The following FYTTD1 variants were observed in gnomAD, a reference collection of about 807,000 sequenced individuals.
The protein encoded by FYTTD1 is forty-two-three domain containing 1.
FYTTD1 carries 22 observed loss-of-function variants against 40.9 expected under a neutral mutation model. The ratio of observed to expected loss-of-function variants is 0.54; its 90% CI spans 0.38 to 0.77. The LOEUF (loss-of-function observed/expected upper bound fraction) is 0.77. FYTTD1 is among the 30% of genes least tolerant of loss of function. The pLI, the probability that FYTTD1 is intolerant of heterozygous loss-of-function variation, is 0.00. For missense variants in FYTTD1, 351 were observed against 392.2 expected (o/e 0.90, Z 0.89); for synonymous variants, 140 against 137.9 (o/e 1.01, Z -0.10).
At chr3:197,750,655 C>A (rs989098916) in intron 1 of FYTTD1, 1 of 985,284 alleles carries the variant, frequency 1.0e-6, no homozygotes, top group African/African-American at 1.7e-5. Flanking sequence ...GGCCCCGGAG[C>A]GTCTGTCAGA....
chr3:197,752,509 ATATG>A (rs879326704), intron 1 of FYTTD1, among the ~76,000 whole-genome samples: 3 of 151,864 alleles, frequency 2.0e-5, no homozygotes, highest in African/African-American at 4.8e-5. Context: ...TACATACACT[ATATG>A]TAGTATGTCT....
rs1730162973 is a variant in FYTTD1, at chr3:197,786,785, A to C, written c.*4876A>C. The C allele has an allele frequency of 6.6e-6, 1 of 152,100 alleles. No homozygotes were observed. Among genetic ancestry groups the C allele is most frequent in the South Asian group, 2.1e-4 (1 of 4,822 alleles). The allele number at this position is 152,100 out of a possible 1,614,324, so 9.4% of individuals were successfully genotyped here. On this transcript the variant is annotated 3_prime_UTR_variant, in exon 9 of 9. Coordinates refer to ENST00000241502, the MANE Select transcript of FYTTD1 (RefSeq NM_032288.7). ...GGATTCATACTGCTTGGAGTTTATA[A>C]AAGCGGAGTTTTTTTATTTTTTGAG...
chr3:197,753,404 C>T (rs1300708931), intron 1 of FYTTD1, among the ~76,000 whole-genome samples: 1 of 152,180 alleles, frequency 6.6e-6, no homozygotes, highest in African/African-American at 2.4e-5. Context: ...ACTGTTGGTA[C>T]TAACATTGCT....
rs1459793712 is a variant in FYTTD1, at chr3:197,749,936, T to G, written c.-36T>G. 3 of 1,452,672 alleles carry G rather than the reference T, an allele frequency of 2.1e-6. No homozygotes were observed. The highest frequency in any genetic ancestry group is 1.5e-5 in the African/African-American group (1 of 68,332). 90.0% of individuals were successfully genotyped at this position (1,452,672 alleles called of 1,614,324 possible). ...AGGTGGCAGGCCTGCGACTCCGGCC[T>G]TGTCCGCGCCCGCTCTCGGCGCGAC... On this transcript the variant is annotated 5_prime_UTR_variant, in exon 1 of 9. Transcript: ENST00000241502.
rs913931616 is a variant in FYTTD1, at chr3:197,786,827, C to T, written c.*4918C>T. On this transcript the variant is annotated 3_prime_UTR_variant, in exon 9 of 9. Transcript: ENST00000241502. ...TTTTTTGAGACGGAATACTCTGTCA[C>T]CCAGGCTGCAGTGCAGTGGCACAAT... 1 of 152,152 alleles carries T rather than the reference C, an allele frequency of 6.6e-6. No homozygotes were observed. The highest frequency in any genetic ancestry group is 1.5e-5 in the Non-Finnish European group (1 of 68,044). The allele number at this position is 152,152 out of a possible 1,614,324, so 9.4% of individuals were successfully genotyped here. A position where few individuals can be genotyped will look rare whatever the true frequency, so the allele number is the denominator to read the frequency against.
intron 2 of FYTTD1, among the ~76,000 whole-genome samples, chr3:197,766,817 A>AC (rs1255494059): frequency 2.0e-5 from 3 of 152,176 alleles, no homozygotes; most frequent in Non-Finnish European, 4.4e-5. Flanking sequence ...GACTCAGTTC[A>AC]CCTTCTACTA....
At position 197,750,006 on chromosome 3, in the gene FYTTD1, C is replaced by T. The variant is rs2109030716; in HGVS notation, c.35C>T (p.Thr12Met). ...NRFGTRLVGA[T>M]ATSSPPPKAR... ...TTTGGTACCCGGTTGGTGGGAGCCACGGCGACTTCTTCGCCGCCGCCGAAG... is the reference window on the plus strand; with the variant it reads ...TTTGGTACCCGGTTGGTGGGAGCCATGGCGACTTCTTCGCCGCCGCCGAAG... Residue 12 changes from threonine to methionine, a missense_variant, in exon 1 of 9, where the codon ACG becomes ATG. Physicochemically the swap from Thr to Met is moderately conservative, Grantham distance 81. Coordinates refer to ENST00000241502, the MANE Select transcript of FYTTD1 (RefSeq NM_032288.7). The T allele has an allele frequency of 1.3e-6, 2 of 1,584,670 alleles. No homozygotes were observed. The highest frequency in any genetic ancestry group is 4.9e-5 in the East Asian group (2 of 40,950).
chr3:197,766,383 CAT>C (rs1413578950), intron 2 of FYTTD1, among the ~76,000 whole-genome samples: 1 of 147,870 alleles, frequency 6.8e-6, no homozygotes, highest in Non-Finnish European at 1.5e-5. Flanking sequence ...ATGTCAAAAA[CAT>C]GGGATAATAT....
chr3:197,749,766 G>A, upstream of FYTTD1: 1 of 563,510 alleles, frequency 1.8e-6, no homozygotes, highest in Non-Finnish European at 3.2e-6. Flanking sequence ...TGCGAGGGCC[G>A]CTAGGAGCGA....
chr3:197,774,450 C>T (rs1460343713), intron 6 of FYTTD1, among the ~76,000 whole-genome samples: 2 of 152,166 alleles, frequency 1.3e-5, no homozygotes, highest in Admixed American at 6.5e-5. Flanking sequence ...ACCTGTGTAT[C>T]GCCACTGCAC....
intron 4 of FYTTD1, 145 bp from the exon 5 acceptor site, chr3:197,773,258 A>G: frequency 3.4e-6 from 2 of 595,190 alleles, no homozygotes; most frequent in South Asian, 4.3e-5. Flanking sequence ...CAGTAGCTTC[A>G]TGTTAATAAG....
chr3:197,774,839 C>T (rs1385078132), intron 6 of FYTTD1, among the ~76,000 whole-genome samples: 1 of 151,928 alleles, frequency 6.6e-6, no homozygotes, highest in Non-Finnish European at 1.5e-5. Flanking sequence ...AGCAGCATAG[C>T]TCGATGGCCA....
chr3:197,750,160 C>T (rs1728960600), intron 1 of FYTTD1, 86 bp downstream of exon 1: 12 of 1,041,928 alleles, frequency 1.2e-5, no homozygotes, highest in Non-Finnish European at 1.5e-5. Context: ...CAGGGGCGGT[C>T]GGCAGCAGTT....
chr3:197,779,604 C>T (rs752853572), intron 8 of FYTTD1, among the ~76,000 whole-genome samples: 2 of 144,914 alleles, frequency 1.4e-5, no homozygotes, highest in Non-Finnish European at 3.0e-5. Flanking sequence ...AATCATAGCT[C>T]ACTGTAGCTT....
intron 2 of FYTTD1, among the ~76,000 whole-genome samples, chr3:197,759,804 A>G (rs1193803422): frequency 1.3e-5 from 2 of 151,770 alleles, no homozygotes; most frequent in Non-Finnish European, 1.5e-5. Flanking sequence ...CTTCAGTGGT[A>G]GAACGTATAG....
At chr3:197,766,265 A>G (rs765120037) in intron 2 of FYTTD1, among the ~76,000 whole-genome samples, 2 of 152,062 alleles carry the variant, frequency 1.3e-5, no homozygotes, top group Non-Finnish European at 2.9e-5. Context: ...TTAAAAATAT[A>G]TCTGTGGTTC....
In FYTTD1 at chr3:197,778,307, C is replaced by G. The variant is rs757194900; in HGVS notation, c.732-31C>G. ...ATTTATTTTTCTTTTCATTGTTAAG[C>G]TGCTCTGATATTTTAATATTTTTCT... is the stretch of plus-strand genomic sequence containing the variant. On this transcript the variant is annotated intron_variant, in intron 7 of 8. Transcript: ENST00000241502. The G allele has an allele frequency of 3.9e-6, 6 of 1,542,874 alleles. No individual in the cohort carries two copies. The Admixed American group carries it at 9.6e-5, about 25-fold the overall frequency.
rs1553909119 is a variant in FYTTD1 at position 197,766,430 on chromosome 3, G to GTGTGTGTGTGTGTGTGT, written c.236-2009_236-2008insTGTGTGTGTGTGTGTGT. ...ATAGGTGTGTGTCGTGTTTGAGACT[G>GTGTGTGTGTGTGTGTGT]GTGTGTGTGTGTGTGTGTGTGTGTG... On this transcript the variant is annotated intron_variant, in intron 2 of 8. Transcript: ENST00000241502. Among the ~76,000 whole-genome samples, 44 of 134,996 alleles carry GTGTGTGTGTGTGTGTGT rather than the reference G, an allele frequency of 3.3e-4. 1 individual carries two copies. The highest frequency in any genetic ancestry group is 3.1e-5 in the Non-Finnish European group (2 of 63,536). 88.6% of individuals were successfully genotyped at this position (134,996 alleles called of 152,430 possible). A position where few individuals can be genotyped will look rare whatever the true frequency, so the allele number is the denominator to read the frequency against.
In FYTTD1 at chr3:197,781,976, G is replaced by A. The variant is rs1730040415; in HGVS notation, c.*67G>A. The stretch of plus-strand genomic sequence containing the variant: ...TTGAATTGCTTGAAGAGTTCATCAC[G>A]GAAATTCAAGAAACTTTACTTCAAA... On this transcript the variant is annotated 3_prime_UTR_variant, in exon 9 of 9. Transcript: ENST00000241502. The A allele has an allele frequency of 8.3e-6, 7 of 847,856 alleles. No individual in the cohort carries two copies. Among genetic ancestry groups the A allele is most frequent in the Admixed American group, 5.7e-5 (2 of 34,820 alleles). 52.5% of individuals were successfully genotyped at this position (847,856 alleles called of 1,614,324 possible). A position where few individuals can be genotyped will look rare whatever the true frequency, so the allele number is the denominator to read the frequency against.
Sources: allele counts gnomAD v4.1 joint callset (sites outside exome capture counted in the v4.1 genomes callset), GRCh38; gene constraint gnomAD v4.1.1; transcripts MANE v1.5; gene names NCBI Gene and HGNC (gene_info 2026-07-23, HGNC 2026-07-21).